Variants in GATM observed in about 807,000 individuals in gnomAD.
GATM encodes the protein glycine amidinotransferase, mitochondrial.
Under a neutral mutation model 54.2 loss-of-function variants are expected in GATM, and 23 were observed. The ratio of observed to expected loss-of-function variants is 0.42; its 90% CI spans 0.31 to 0.60. The LOEUF (loss-of-function observed/expected upper bound fraction) is 0.60, where lower values mean the gene tolerates loss of function less well. GATM is among the 20% of genes least tolerant of loss of function. GATM has a pLI of 0.14. For synonymous variants in GATM, 168 were observed against 183.1 expected (o/e 0.92, Z 0.67); for missense variants, 401 against 544.9 (o/e 0.74, Z 2.63).
At chr15:45,394,392 C>G (rs1427161708) in intron 3 of GATM, among the ~76,000 whole-genome samples, 1 of 152,134 alleles carries the variant, frequency 6.6e-6, no homozygotes, top group Non-Finnish European at 1.5e-5. Context: ...TCTCTGGTGC[C>G]AAAAAGGTTG....
chr15:45,361,674 G>T lies in GATM; in HGVS notation c.*435C>A. On this transcript the variant is annotated 3_prime_UTR_variant, in exon 9 of 9. Coordinates refer to ENST00000396659, the MANE Select transcript of GATM (RefSeq NM_001482.3). ...AAAGAGATAATCTGATTCTATTTTGGATCTGTGTACATTCTAAGTCTTTCT... is the reference window on the plus strand; with the variant it reads ...AAAGAGATAATCTGATTCTATTTTGTATCTGTGTACATTCTAAGTCTTTCT... The T allele has an allele frequency of 5.5e-6, 2 of 362,214 alleles. No homozygotes were observed. The highest frequency in any genetic ancestry group is 9.8e-6 in the Non-Finnish European group (2 of 203,948). The allele number at this position is 362,214 out of a possible 1,614,324, so 22.4% of individuals were successfully genotyped here. A position where few individuals can be genotyped will look rare whatever the true frequency, so the allele number is the denominator to read the frequency against.
intron 7 of GATM, 30 bp from the exon 8 acceptor site, chr15:45,364,046 T>C (rs1889408023): frequency 7.9e-7 from 1 of 1,264,776 alleles, no homozygotes; most frequent in Non-Finnish European, 1.2e-6. Flanking sequence ...TTAAACCATG[T>C]CCGCTATCAT....
At position 45,369,000 on chromosome 15, in the gene GATM, T is replaced by C. The variant is rs761617761; in HGVS notation, c.484+326A>G. Among the ~76,000 whole-genome samples, 23 of 152,172 alleles carry C rather than the reference T, an allele frequency of 1.5e-4. No homozygotes were observed. The highest frequency in any genetic ancestry group is 2.4e-4 in the Non-Finnish European group (16 of 68,016). On this transcript the variant is annotated intron_variant, in intron 3 of 8. Transcript: ENST00000396659. The surrounding 1 kb of genome is among the most constrained non-coding windows in gnomAD (Gnocchi z 5.1). ...GTCATGCAGCAATGTCAGTTAAAAATAAAATGGAAATGTTTCTATTCCCCT... is the reference window on the plus strand; with the variant it reads ...GTCATGCAGCAATGTCAGTTAAAAACAAAATGGAAATGTTTCTATTCCCCT...
intron 3 of GATM, among the ~76,000 whole-genome samples, chr15:45,385,257 A>G (rs909482169): frequency 6.6e-6 from 1 of 152,210 alleles, no homozygotes; most frequent in African/African-American, 2.4e-5. Flanking sequence ...CTTCTCCCTC[A>G]TCTCATTCTT....
rs145460324 is a variant in GATM at position 45,363,868 on chromosome 15, G to C, written c.1159+32C>G. On this transcript the variant is annotated intron_variant, in intron 8 of 8. Transcript: ENST00000396659. The stretch of plus-strand genomic sequence containing the variant: ...AGTTCTTCTCATTTAACGTTTTCAT[G>C]TATGACAACATGTTTCATTTGTTGT... The C allele has an allele frequency of 1.8e-4, 231 of 1,254,438 alleles. No homozygotes were observed. The African/African-American group carries it at 3.0e-3, about 16-fold the overall frequency. The allele number at this position is 1,254,438 out of a possible 1,614,324, so 77.7% of individuals were successfully genotyped here. A position where few individuals can be genotyped will look rare whatever the true frequency, so the allele number is the denominator to read the frequency against.
chr15:45,378,168 T>A (rs1057097568), intron 1 of GATM: 119 of 478,570 alleles, frequency 2.5e-4, no homozygotes, highest in Admixed American at 7.7e-4. Flanking sequence ...CAACGCAAGT[T>A]CCCCCTGACT....
chr15:45,368,926 G>A lies in GATM; in HGVS notation c.484+400C>T, dbSNP rs952580197. On this transcript the variant is annotated intron_variant, in intron 3 of 8. Transcript: ENST00000396659. The surrounding 1 kb of genome is among the most constrained non-coding windows in gnomAD (Gnocchi z 5.1). ...ATCACAAGATAAAAATTGAGCCAAG[G>A]ATCAATCTAAAACTAGAAATTAGAA... is the stretch of plus-strand genomic sequence containing the variant. Among the ~76,000 whole-genome samples, 7 of 152,056 alleles carry A rather than the reference G, an allele frequency of 4.6e-5. No homozygotes were observed. The highest frequency in any genetic ancestry group is 3.9e-4 in the East Asian group (2 of 5,188).
At chr15:45,389,867 C>CT (rs111404904) in intron 3 of GATM, among the ~76,000 whole-genome samples, 35 of 149,874 alleles carry the variant, frequency 2.3e-4, no homozygotes, top group Admixed American at 1.2e-3. Context: ...TTTTCTTTTT[C>CT]TTTTTTTTTG....
intron 3 of GATM, among the ~76,000 whole-genome samples, chr15:45,385,750 C>T (rs1889796810): frequency 2.6e-5 from 4 of 152,110 alleles, no homozygotes; most frequent in South Asian, 2.1e-4. Context: ...CATACTAGGG[C>T]GAGAAAACAG....
rs2140657480 is a variant in GATM, at chr15:45,376,767, G to A, written c.122C>T (p.Ala41Val). Reference sequence around the variant, plus strand: ...GGAGTTCCGGGAGGAAGCCGTAGCTGCCTGGGTGCTCTGGAAAGTTCGCTG... The same window carrying A: ...GGAGTTCCGGGAGGAAGCCGTAGCTACCTGGGTGCTCTGGAAAGTTCGCTG... ...WVQRTFQSTQAATASSRNSCA... is the reference protein window; with the variant it reads ...WVQRTFQSTQVATASSRNSCA... Residue 41 changes from alanine to valine, a missense_variant, in exon 2 of 9, where the codon GCA becomes GTA. This residue lies in a region of GATM where 70 missense variants were observed against 61.5 expected (regional missense o/e 1.14). Transcript: ENST00000396659. 4 of 1,614,186 alleles carry A rather than the reference G, an allele frequency of 2.5e-6. No individual in the cohort carries two copies. The highest frequency in any genetic ancestry group is 3.4e-6 in the Non-Finnish European group (4 of 1,180,040).
At chr15:45,390,155 A>G (rs947355407) in intron 3 of GATM, among the ~76,000 whole-genome samples, 5 of 152,078 alleles carry the variant, frequency 3.3e-5, no homozygotes, top group African/African-American at 1.2e-4. Context: ...CCCAGCCAAG[A>G]TTCTGCATTT....
chr15:45,377,154 T>C (rs1210585611), intron 1 of GATM: 4 of 455,676 alleles, frequency 8.8e-6, no homozygotes, highest in African/African-American at 6.1e-5. Flanking sequence ...GTTTTGCAGA[T>C]GGGTCAGTCC....
intron 2 of GATM, chr15:45,397,464 G>A (rs1413594182): frequency 6.6e-6 from 1 of 152,070 alleles, no homozygotes; most frequent in East Asian, 1.9e-4. Flanking sequence ...CTTAACTATG[G>A]GGTTCAGAGA....
chr15:45,380,445 G>T (rs559960986), upstream of GATM: 36 of 152,050 alleles, frequency 2.4e-4, no homozygotes, highest in African/African-American at 8.4e-4. Flanking sequence ...GAGGTTTTGG[G>T]AAATCTCTAA....
At chr15:45,399,592 A>G (rs2140686762) in exon 2 of GATM, 1 of 156,850 alleles carries the variant, frequency 6.4e-6, no homozygotes, top group Non-Finnish European at 1.4e-5. Flanking sequence ...CCCAGCCTCC[A>G]GAACTGTAAA....
chr15:45,371,884 AT>A (rs1363767971), intron 2 of GATM, among the ~76,000 whole-genome samples: 2 of 152,252 alleles, frequency 1.3e-5, no homozygotes, highest in Non-Finnish European at 2.9e-5. Context: ...CAAAAACAAT[AT>A]CTTTTCTAGA....
At chr15:45,375,661 G>A (rs763321593) in intron 2 of GATM, among the ~76,000 whole-genome samples, 1 of 152,128 alleles carries the variant, frequency 6.6e-6, no homozygotes, top group East Asian at 1.9e-4. Flanking sequence ...CTGCTAATCT[G>A]CTGTACTAAC....
chr15:45,385,064 A>G (rs886082818), intron 3 of GATM, among the ~76,000 whole-genome samples: 2 of 152,322 alleles, frequency 1.3e-5, no homozygotes, highest in East Asian at 3.9e-4. Context: ...GTATCTAGAC[A>G]GTGCCCAAAA....
upstream of GATM, chr15:45,380,530 G>A (rs192644077): frequency 6.6e-6 from 1 of 152,222 alleles, no homozygotes; most frequent in Admixed American, 6.5e-5. Context: ...TTCTCTTAGT[G>A]TACTGAGGGC....
Sources: gnomAD v4.1 joint callset for allele counts (sites outside exome capture counted in the v4.1 genomes callset) on GRCh38, gnomAD v4.1.1 for gene constraint, gnomAD v4.1.1 regional missense constraint, Gnocchi (gnomAD v3.1) non-coding constraint, MANE v1.5 for transcripts, NCBI Gene and HGNC (gene_info 2026-07-23, HGNC 2026-07-21) for gene names.